Variants in GLG1 observed in about 807,000 individuals in gnomAD.
The protein encoded by GLG1 is Golgi apparatus protein 1.
GLG1 carries 38 observed loss-of-function variants against 160.5 expected under a neutral mutation model. That is an observed-to-expected ratio of 0.24 (90% CI 0.18 to 0.31). The LOEUF (loss-of-function observed/expected upper bound fraction) is 0.31, where lower values mean the gene tolerates loss of function less well. GLG1 is among the 10% of genes least tolerant of loss of function. The pLI, the probability that GLG1 is intolerant of heterozygous loss-of-function variation, is 1.00. For synonymous variants in GLG1, 644 were observed against 543.4 expected (o/e 1.19, Z -2.57); for missense variants, 1,373 against 1,505.2 (o/e 0.91, Z 1.45).
chr16:74,599,204 C>G (rs1350898371), intron 1 of GLG1, among the ~76,000 whole-genome samples: 1 of 149,668 alleles, frequency 6.7e-6, no homozygotes, highest in African/African-American at 2.4e-5. Flanking sequence ...AAAAACATCC[C>G]ATTTCTGGAC....
chr16:74,522,105 T>C (rs931015510), intron 2 of GLG1, among the ~76,000 whole-genome samples: 2 of 152,240 alleles, frequency 1.3e-5, no homozygotes, highest in Admixed American at 6.5e-5. Flanking sequence ...CCTAGGCATT[T>C]AGTTGATATT....
At position 74,508,929 on chromosome 16, in the gene GLG1, G is replaced by C. The variant is rs199757421; in HGVS notation, c.472-4C>G. ...TCAGCTTATAATTCCACAACAACTA[G>C]ATAGGAGAGGAAAAAAAAAAACAAA... is the stretch of plus-strand genomic sequence containing the variant. On this transcript the variant is annotated splice_region_variant and splice_polypyrimidine_tract_variant and intron_variant, in intron 2 of 25. Transcript: ENST00000422840. The C allele has an allele frequency of 4.9e-5, 58 of 1,171,756 alleles. 2 individuals carry two copies. In the East Asian group the frequency reaches 1.3e-3, roughly 25 times the overall value. 72.6% of individuals were successfully genotyped at this position (1,171,756 alleles called of 1,614,324 possible).
intron 3 of GLG1, among the ~76,000 whole-genome samples, chr16:74,505,560 A>C (rs569781512): frequency 6.6e-6 from 1 of 152,308 alleles, no homozygotes; most frequent in South Asian, 2.1e-4. Flanking sequence ...TCTCTACTAA[A>C]AATACAAAAA....
At chr16:74,583,277 C>T (rs954833302) in intron 1 of GLG1, among the ~76,000 whole-genome samples, 1 of 152,158 alleles carries the variant, frequency 6.6e-6, no homozygotes, top group African/African-American at 2.4e-5. Flanking sequence ...GAGTTAGTTC[C>T]AAGTTTATAT....
At chr16:74,498,448 G>GTATATATATATATATATATATATATATA (rs61033032) in intron 4 of GLG1, among the ~76,000 whole-genome samples, 540 of 23,758 alleles carry the variant, frequency 0.023, 37 homozygotes, top group South Asian at 0.041. Context: ...AAAAAAAAAA[G>GTATATATATATATATATATATATATATA]TATATATATA....
chr16:74,452,916 C>A lies in GLG1; in HGVS notation c.*251G>T. On this transcript the variant is annotated 3_prime_UTR_variant, in exon 26 of 26. Transcript: ENST00000422840. ...GGTATGAGAGAGACTTGTCTACAGG[C>A]AGGTAAACCCAAGTTTGCCAAACAA... 1 of 1,188,742 alleles carries A rather than the reference C, an allele frequency of 8.4e-7. No homozygotes were observed. The highest frequency in any genetic ancestry group is 3.7e-5 in the South Asian group (1 of 26,734). 73.6% of individuals were successfully genotyped at this position (1,188,742 alleles called of 1,614,324 possible).
At chr16:74,480,717 C>G (rs1417798658) in intron 10 of GLG1, among the ~76,000 whole-genome samples, 4 of 151,902 alleles carry the variant, frequency 2.6e-5, no homozygotes, top group Non-Finnish European at 5.9e-5. Flanking sequence ...ACACCAGGCT[C>G]TTTTTTGATA....
At chr16:74,600,388 C>T (rs975559737) in intron 1 of GLG1, among the ~76,000 whole-genome samples, 1 of 150,832 alleles carries the variant, frequency 6.6e-6, no homozygotes, top group Non-Finnish European at 1.5e-5. Flanking sequence ...TAGAGTAAGA[C>T]TTTCAAAGAA....
intron 9 of GLG1, among the ~76,000 whole-genome samples, chr16:74,483,730 C>T (rs1007281935): frequency 2.6e-5 from 4 of 151,402 alleles, no homozygotes; most frequent in Non-Finnish European, 2.9e-5. Context: ...GCAACCTTGG[C>T]TCACGCAAGC....
At position 74,549,467 on chromosome 16, in the gene GLG1, T is replaced by C. The variant is rs559519749; in HGVS notation, c.439-17314A>G. ...ACGCCCGGCTAACTTCTTGTATTTT[T>C]AGTAGAGACGGGGTTTCACTGTGTT... On this transcript the variant is annotated intron_variant, in intron 1 of 25. Transcript: ENST00000422840. 2.3e-3 allele frequency among the ~76,000 whole-genome samples: 343 copies of C among 152,330 alleles called. 1 individual carries two copies. Among genetic ancestry groups the C allele is most frequent in the African/African-American group, 7.8e-3 (323 of 41,584 alleles).
At chr16:74,489,996 T>C (rs1265142417) in intron 8 of GLG1, among the ~76,000 whole-genome samples, 1 of 152,178 alleles carries the variant, frequency 6.6e-6, no homozygotes, top group Non-Finnish European at 1.5e-5. Flanking sequence ...ATGCTAACTA[T>C]AAAATAATAG....
intron 20 of GLG1, chr16:74,462,940 T>C (rs2014859073): frequency 2.3e-6 from 1 of 430,868 alleles, no homozygotes; most frequent in South Asian, 2.9e-5. Context: ...ACAGACACTT[T>C]TGAGAACACT....
In GLG1 at chr16:74,503,506, T is replaced by C. The variant is rs201340974; in HGVS notation, c.774+25A>G. The C allele has an allele frequency of 3.8e-3, 5,640 of 1,468,970 alleles. 25 individuals are homozygous for C. Among genetic ancestry groups the C allele is most frequent in the Non-Finnish European group, 5.1e-3 (5,357 of 1,047,876 alleles). 91.0% of individuals were successfully genotyped at this position (1,468,970 alleles called of 1,614,324 possible). A position where few individuals can be genotyped will look rare whatever the true frequency, so the allele number is the denominator to read the frequency against. On this transcript the variant is annotated intron_variant, in intron 4 of 25. Coordinates refer to ENST00000422840, the MANE Select transcript of GLG1 (RefSeq NM_001145667.2). Reference sequence around the variant, plus strand: ...TACACCAAATTTTAAGACCCCTTTGTTGAAGCTAACGTAGTATTAGATACC... The same window carrying C: ...TACACCAAATTTTAAGACCCCTTTGCTGAAGCTAACGTAGTATTAGATACC...
chr16:74,511,766 G>A (rs375005578), intron 2 of GLG1, among the ~76,000 whole-genome samples: 8 of 152,072 alleles, frequency 5.3e-5, no homozygotes, highest in East Asian at 1.9e-4. Context: ...TAGATTTTCC[G>A]CCAACAGACG....
At chr16:74,468,224 G>GTATTTTT in intron 17 of GLG1, 1 of 101,634 alleles carries the variant, frequency 9.8e-6, no homozygotes, top group African/African-American at 4.3e-5. Context: ...AGCTTGAAAT[G>GTATTTTT]TCTTTTTTTT....
At chr16:74,603,546 G>C (rs1222682777) in intron 1 of GLG1, among the ~76,000 whole-genome samples, 1 of 152,064 alleles carries the variant, frequency 6.6e-6, no homozygotes, top group African/African-American at 2.4e-5. Flanking sequence ...AAAGGGCTAG[G>C]ATTTCAAGTG....
chr16:74,449,546 C>G lies in GLG1; in HGVS notation c.*3621G>C, dbSNP rs1428570384. 1 of 152,204 alleles carries G rather than the reference C, an allele frequency of 6.6e-6. No individual in the cohort carries two copies. Among genetic ancestry groups the G allele is most frequent in the Non-Finnish European group, 1.5e-5 (1 of 68,040 alleles). The allele number at this position is 152,204 out of a possible 1,614,324, so 9.4% of individuals were successfully genotyped here. ...AGAAACAAATGAAATCTGACAGTAA[C>G]TTTCTGTAGCATCTTCAGGGAAAGC... On this transcript the variant is annotated 3_prime_UTR_variant, in exon 26 of 26. Coordinates refer to ENST00000422840, the MANE Select transcript of GLG1 (RefSeq NM_001145667.2).
Position 74,606,668 on chromosome 16 carries a change from C to T in GLG1, c.427G>A (p.Asp143Asn). The change falls in exon 1 of 26, where the codon GAT becomes AAT. Residue 143 changes from aspartate (D) to asparagine (N), a missense_variant. This residue lies in a region of GLG1 where 322 missense variants were observed against 254.6 expected (regional missense o/e 1.26). Transcript: ENST00000422840. The part of the protein sequence containing the change: ...NNLAVLECLQ[D>N]VREPENEISS... Reference sequence around the variant, plus strand: ...TCCCACCTCCTCACCTCCCTCACATCCTGCAGGCACTCGAGCACCGCCAGG... The same window carrying T: ...TCCCACCTCCTCACCTCCCTCACATTCTGCAGGCACTCGAGCACCGCCAGG... 1 of 1,576,492 alleles carries T rather than the reference C, an allele frequency of 6.3e-7. No individual in the cohort carries two copies. Among genetic ancestry groups the T allele is most frequent in the Non-Finnish European group, 8.6e-7 (1 of 1,156,860 alleles).
chr16:74,553,543 G>T (rs142553969), intron 1 of GLG1, among the ~76,000 whole-genome samples: 1,772 of 145,372 alleles, frequency 0.012, 32 homozygotes, highest in African/African-American at 0.043. Context: ...CACGATCTCG[G>T]CTCACTGCCA....
Sources: allele counts gnomAD v4.1 joint callset (sites outside exome capture counted in the v4.1 genomes callset), GRCh38; gene constraint gnomAD v4.1.1; regional missense constraint gnomAD v4.1.1; transcripts MANE v1.5; gene names NCBI Gene and HGNC (gene_info 2026-07-23, HGNC 2026-07-21).